Variants in FUT8 observed in about 807,000 individuals in gnomAD.
FUT8 encodes the protein alpha-(1,6)-fucosyltransferase.
In FUT8, 29 loss-of-function variants were observed where a neutral mutation model predicts 71.3. The ratio of observed to expected loss-of-function variants is 0.41; its 90% confidence interval spans 0.30 to 0.55. FUT8 has a LOEUF of 0.55. Among genes scored for constraint, FUT8 ranks in the 20% least tolerant of loss-of-function variants. The probability of loss-of-function intolerance (pLI) is 0.34; values close to 1 mark genes in which losing one functional copy is unlikely to be tolerated. For missense variants in FUT8, 544 were observed against 702.1 expected, an observed-to-expected ratio of 0.77 and a Z score of 2.55; for synonymous variants, 254 against 239.3, an observed-to-expected ratio of 1.06 and a Z score of -0.57.
Position 65,638,118 on chromosome 14 carries a change from A to G in FUT8, c.597+8512A>G, listed in dbSNP as rs1037620410. 2.6e-5 allele frequency among the ~76,000 whole-genome samples: 4 copies of G among 152,288 alleles called. No individual in the cohort carries two copies. Among genetic ancestry groups the G allele is most frequent in the African/African-American group, 9.6e-5 (4 of 41,560 alleles). On this transcript the variant is annotated intron_variant, in intron 6 of 10. Transcript: ENST00000673929. The surrounding 1 kb of genome is among the most constrained non-coding windows in gnomAD (Gnocchi z 4.5). Reference sequence around the variant, plus strand: ...GGCACAAGGTGAAGTTCGTAACCACATTTCTTCTGGTTAGCTGCAGAAGCA... The same window carrying G: ...GGCACAAGGTGAAGTTCGTAACCACGTTTCTTCTGGTTAGCTGCAGAAGCA...
intron 1 of FUT8, among the ~76,000 whole-genome samples, chr14:65,431,299 CTTTTTT>C (rs138985726): frequency 4.0e-5 from 4 of 98,818 alleles, no homozygotes; most frequent in Admixed American, 2.3e-4. Flanking sequence ...CTGCGCCGGC[CTTTTTT>C]TTTTTTTTTT....
intron 6 of FUT8, among the ~76,000 whole-genome samples, chr14:65,665,374 A>G (rs1462662557): frequency 6.6e-6 from 1 of 152,216 alleles, no homozygotes; most frequent in Admixed American, 6.5e-5. Context: ...ATATTGATGT[A>G]TGCAACTTTG....
chr14:65,443,004 C>A (rs938375235), intron 1 of FUT8, among the ~76,000 whole-genome samples: 2 of 151,888 alleles, frequency 1.3e-5, no homozygotes, highest in Non-Finnish European at 2.9e-5. Flanking sequence ...AGAAAATGTA[C>A]CATACTAATA....
chr14:65,561,137 G>A (rs1286652921), intron 2 of FUT8, among the ~76,000 whole-genome samples, 200 bp from the exon 3 acceptor site: 1 of 152,106 alleles, frequency 6.6e-6, no homozygotes, highest in East Asian at 1.9e-4. Context: ...TCTGTTATCT[G>A]GTAGAGCACT....
At chr14:65,412,631 G>A (rs2065149891), upstream of FUT8, 1 of 295,596 alleles carries the variant, frequency 3.4e-6, no homozygotes. Context: ...AGGGGGCGGG[G>A]AGAATCCCTG....
intron 2 of FUT8, among the ~76,000 whole-genome samples, chr14:65,469,191 A>T (rs890231325): frequency 5.9e-5 from 9 of 152,092 alleles, no homozygotes; most frequent in East Asian, 3.9e-4. Context: ...CATATATATA[A>T]AAAAAAATTC....
chr14:65,535,226 A>G (rs1884226909), intron 2 of FUT8, among the ~76,000 whole-genome samples: 1 of 151,846 alleles, frequency 6.6e-6, no homozygotes, highest in South Asian at 2.1e-4. Context: ...CAGCGTCATG[A>G]GTAGCTAGGA....
At chr14:65,593,065 G>C (rs1388954233) in intron 3 of FUT8, among the ~76,000 whole-genome samples, 1 of 151,934 alleles carries the variant, frequency 6.6e-6, no homozygotes, top group South Asian at 2.1e-4. Context: ...TAGTCTTTAG[G>C]CAATTGGTCA....
chr14:65,722,278 T>C (rs1327576738), intron 8 of FUT8, among the ~76,000 whole-genome samples: 2 of 151,900 alleles, frequency 1.3e-5, no homozygotes, highest in African/African-American at 2.4e-5. Context: ...TCTCCTCTTA[T>C]CACAGCTCTC....
chr14:65,620,584 T>G (rs916469387), intron 5 of FUT8, among the ~76,000 whole-genome samples: 1 of 152,166 alleles, frequency 6.6e-6, no homozygotes, highest in Non-Finnish European at 1.5e-5. Context: ...GTTTGGAAGG[T>G]CCAAGAATTG....
intron 2 of FUT8, among the ~76,000 whole-genome samples, chr14:65,520,475 A>G (rs1883005565): frequency 6.6e-6 from 1 of 152,150 alleles, no homozygotes; most frequent in South Asian, 2.1e-4. Context: ...GGAATGTTAA[A>G]TTATTACTAC....
At chr14:65,492,535 A>G (rs573427927) in intron 2 of FUT8, among the ~76,000 whole-genome samples, 27 of 152,186 alleles carry the variant, frequency 1.8e-4, no homozygotes, top group African/African-American at 6.0e-4. Flanking sequence ...CTGTCCTTAA[A>G]TCTTCCACCA....
intron 3 of FUT8, among the ~76,000 whole-genome samples, chr14:65,563,252 G>A (rs1886011798): frequency 1.3e-5 from 2 of 151,970 alleles, no homozygotes; most frequent in African/African-American, 4.8e-5. Context: ...TAATTTAGGG[G>A]TTAGTAATAA....
Position 65,439,790 on chromosome 14 carries a change from C to T in FUT8, c.-325-15831C>T, listed in dbSNP as rs757993394. ...GCCTCCTAGTGTTGAGAAACCATCA[C>T]GTAAGTGCTGAGCACTCTAGTTCTG... is the stretch of plus-strand genomic sequence containing the variant. On this transcript the variant is annotated intron_variant, in intron 1 of 10. Transcript: ENST00000673929. Among the ~76,000 whole-genome samples the T allele has an allele frequency of 6.8e-4, 103 of 151,782 alleles. No homozygotes were observed. In the Middle Eastern group the frequency reaches 0.014, roughly 20 times the overall value.
At chr14:65,429,717 G>A (rs1187865487) in intron 1 of FUT8, among the ~76,000 whole-genome samples, 1 of 151,952 alleles carries the variant, frequency 6.6e-6, no homozygotes, top group Non-Finnish European at 1.5e-5. Context: ...TAAAAAATCA[G>A]CCGGGTGTGG....
At chr14:65,585,129 C>T (rs1887311892) in intron 3 of FUT8, among the ~76,000 whole-genome samples, 1 of 152,054 alleles carries the variant, frequency 6.6e-6, no homozygotes, top group Admixed American at 6.6e-5. Context: ...TGCCCCCTCC[C>T]CATTTTATAA....
chr14:65,454,891 G>A (rs1206788079), intron 1 of FUT8, among the ~76,000 whole-genome samples: 1 of 152,176 alleles, frequency 6.6e-6, no homozygotes, highest in Non-Finnish European at 1.5e-5. Context: ...AGCAACAAAT[G>A]AAGTAGGAGA....
At chr14:65,500,983 G>A (rs999346998) in intron 2 of FUT8, among the ~76,000 whole-genome samples, 2 of 152,042 alleles carry the variant, frequency 1.3e-5, no homozygotes, top group African/African-American at 2.4e-5. Flanking sequence ...TTCCCATCTT[G>A]CACCTATTTT....
At chr14:65,519,468 A>G (rs190004729) in intron 2 of FUT8, among the ~76,000 whole-genome samples, 15 of 152,344 alleles carry the variant, frequency 9.8e-5, no homozygotes, top group Non-Finnish European at 1.5e-4. Flanking sequence ...AATGATAACA[A>G]TGAATGATTC....
Sources: gnomAD v4.1 joint callset for allele counts (sites outside exome capture counted in the v4.1 genomes callset) on GRCh38, gnomAD v4.1.1 for gene constraint, Gnocchi (gnomAD v3.1) non-coding constraint, MANE v1.5 for transcripts, NCBI Gene and HGNC (gene_info 2026-07-23, HGNC 2026-07-21) for gene names.